The following ALDH5A1 variants were observed in gnomAD, a reference collection of about 807,000 sequenced individuals.
ALDH5A1 encodes succinate-semialdehyde dehydrogenase, mitochondrial.
A neutral mutation model predicts 54.7 loss-of-function variants in ALDH5A1; 33 were observed. That is an observed-to-expected ratio of 0.60 (90% CI 0.46 to 0.81). The LOEUF is 0.81. Among genes scored for constraint, ALDH5A1 ranks in the 30% least tolerant of loss-of-function variants. The pLI is 0.00. For synonymous variants in ALDH5A1, 294 were observed against 292.7 expected (o/e 1.00, Z -0.05); for missense variants, 657 against 711.0 (o/e 0.92, Z 0.86).
Position 24,526,941 on chromosome 6 carries a change from A to C in ALDH5A1, c.1174-1056A>C, listed in dbSNP as rs1320922243. ...TCTATATATATCTACTATATATTCT[A>C]TATATATATCTAATATATATATATG... is the stretch of plus-strand genomic sequence containing the variant. On this transcript the variant is annotated intron_variant, in intron 7 of 9. Coordinates refer to ENST00000357578, the MANE Select transcript of ALDH5A1 (RefSeq NM_001080.3). 1.9e-4 allele frequency among the ~76,000 whole-genome samples: 20 copies of C among 106,106 alleles called. 1 individual carries two copies. Among genetic ancestry groups the C allele is most frequent in the South Asian group, 5.3e-4 (2 of 3,774 alleles). The allele number at this position is 106,106 out of a possible 152,430, so 69.6% of individuals were successfully genotyped here. A position where few individuals can be genotyped will look rare whatever the true frequency, so the allele number is the denominator to read the frequency against.
Position 24,536,108 on chromosome 6 carries a change from TG to T in ALDH5A1, c.*2397del, listed in dbSNP as rs1185192235. 2.0e-5 allele frequency: 3 copies of T among 152,232 alleles called. No homozygotes were observed. The highest frequency in any genetic ancestry group is 6.5e-5 in the Admixed American group (1 of 15,290). The allele number at this position is 152,232 out of a possible 1,614,324, so 9.4% of individuals were successfully genotyped here. On this transcript the variant is annotated 3_prime_UTR_variant, in exon 10 of 10. Coordinates refer to ENST00000357578, the MANE Select transcript of ALDH5A1 (RefSeq NM_001080.3). The stretch of plus-strand genomic sequence containing the variant: ...AGAATTATTTTTAACTGAACGTTTT[TG>T]TTGTTTTTTAAATAAAGTAGCCATA...
intron 7 of ALDH5A1, among the ~76,000 whole-genome samples, chr6:24,526,664 AC>A (rs1334532303): frequency 6.6e-6 from 1 of 151,352 alleles, no homozygotes; most frequent in Non-Finnish European, 1.5e-5. Context: ...TCCTGTTAAT[AC>A]CCGTCCAGTA....
chr6:24,530,701 G>T (rs1759920838), intron 8 of ALDH5A1, among the ~76,000 whole-genome samples: 1 of 152,238 alleles, frequency 6.6e-6, no homozygotes, highest in Non-Finnish European at 1.5e-5. Flanking sequence ...ATTGGAATAG[G>T]TTGGGGAGAA....
At chr6:24,508,387 AAGAT>A (rs1211663096) in intron 4 of ALDH5A1, among the ~76,000 whole-genome samples, 1,347 of 35,922 alleles carry the variant, frequency 0.037, 101 homozygotes, top group Non-Finnish European at 0.087. Context: ...AAAAAAAAAA[AAGAT>A]TAATAGTCTC....
chr6:24,520,370 G>C, intron 5 of ALDH5A1, 31 bp from the exon 6 acceptor site: 9 of 1,613,216 alleles, frequency 5.6e-6, no homozygotes, highest in South Asian at 1.1e-5. Flanking sequence ...ATGGATTTCT[G>C]TGCTCACAGC....
At chr6:24,507,312 G>T (rs1759376603) in intron 4 of ALDH5A1, among the ~76,000 whole-genome samples, 1 of 53,642 alleles carries the variant, frequency 1.9e-5, no homozygotes. Flanking sequence ...AAAATCCTTG[G>T]CTCACATTTT....
chr6:24,511,194 A>G (rs186109919), intron 4 of ALDH5A1, among the ~76,000 whole-genome samples: 93 of 152,220 alleles, frequency 6.1e-4, no homozygotes, highest in African/African-American at 2.1e-3. Flanking sequence ...GAAATCTGCT[A>G]ATCTGATAGG....
rs534403522 is a variant in ALDH5A1, at chr6:24,508,928, T to C, written c.726+3943T>C. ...CCATTTGTATATCTTCTTTTGAGAA[T>C]TGTCTATTATGTTCTTAGCCCACTT... On this transcript the variant is annotated intron_variant, in intron 4 of 9. Transcript: ENST00000357578. Among the ~76,000 whole-genome samples, 11 of 152,322 alleles carry C rather than the reference T, an allele frequency of 7.2e-5. No individual in the cohort carries two copies. The East Asian group carries it at 2.1e-3, about 29-fold the overall frequency.
chr6:24,528,142 T>A lies in ALDH5A1; in HGVS notation c.1319T>A (p.Phe440Tyr). 1 of 1,613,900 alleles carries A rather than the reference T, an allele frequency of 6.2e-7. No individual in the cohort carries two copies. The highest frequency in any genetic ancestry group is 8.5e-7 in the Non-Finnish European group (1 of 1,179,872). Residue 440 changes from phenylalanine (F) to tyrosine (Y), a missense_variant, in exon 8 of 10, where the codon TTC (phenylalanine) becomes TAC (tyrosine). Physicochemically the swap from Phe to Tyr is conservative, Grantham distance 22. This residue lies in a region of ALDH5A1 where 425 missense variants were observed against 516.4 expected (regional missense o/e 0.82). Coordinates refer to ENST00000357578, the MANE Select transcript of ALDH5A1 (RefSeq NM_001080.3). The stretch of plus-strand genomic sequence containing the variant: ...ATGCTGTGCACTCATGAAGAGACTT[T>A]CGGGCCTCTGGCACCAGTTATCAAG... Reference protein sequence around the residue: ...QDMLCTHEETFGPLAPVIKFD... With the variant: ...QDMLCTHEETYGPLAPVIKFD...
chr6:24,511,758 T>G (rs1759466056), intron 4 of ALDH5A1: 2 of 404,224 alleles, frequency 4.9e-6, no homozygotes, highest in Non-Finnish European at 8.7e-6. Context: ...GTGACTTCCT[T>G]AAATTGGGCT....
chr6:24,507,416 G>C (rs576885099), intron 4 of ALDH5A1, among the ~76,000 whole-genome samples: 1 of 151,134 alleles, frequency 6.6e-6, no homozygotes, highest in South Asian at 2.1e-4. Context: ...TAAGTTTCTT[G>C]CCCTTATAAG....
At chr6:24,533,425 C>A in intron 9 of ALDH5A1, 82 bp from the exon 10 acceptor site, 2 of 1,459,816 alleles carry the variant, frequency 1.4e-6, no homozygotes, top group East Asian at 2.3e-5. Flanking sequence ...GACAAAAAGT[C>A]ATCAATGGTG....
chr6:24,495,469 G>A lies in ALDH5A1; in HGVS notation c.354+119G>A, dbSNP rs530149285. 48 of 993,418 alleles carry A rather than the reference G, an allele frequency of 4.8e-5. No individual in the cohort carries two copies. In the African/African-American group the frequency reaches 6.5e-4, roughly 14 times the overall value. 61.5% of individuals were successfully genotyped at this position (993,418 alleles called of 1,614,324 possible). On this transcript the variant is annotated intron_variant, in intron 1 of 9. Coordinates refer to ENST00000357578, the MANE Select transcript of ALDH5A1 (RefSeq NM_001080.3). Reference sequence around the variant, plus strand: ...CTCCCTCCTGTGCTCAGTTCCCCAGGGTATACAAAGTGGAAAGTCAGAGCA... The same window carrying A: ...CTCCCTCCTGTGCTCAGTTCCCCAGAGTATACAAAGTGGAAAGTCAGAGCA...
At chr6:24,532,872 A>G (rs1759962542) in intron 9 of ALDH5A1, among the ~76,000 whole-genome samples, 1 of 152,130 alleles carries the variant, frequency 6.6e-6, no homozygotes, top group African/African-American at 2.4e-5. Context: ...ATGTGTGCAC[A>G]AGGACGTTTA....
rs1052380519 is a variant in ALDH5A1 at position 24,535,200 on chromosome 6, G to C, written c.*1488G>C. On this transcript the variant is annotated 3_prime_UTR_variant, in exon 10 of 10. Coordinates refer to ENST00000357578, the MANE Select transcript of ALDH5A1 (RefSeq NM_001080.3). ...AGTAGTGCTGGATGCAATTACTCCT[G>C]AACCCCACCTAGGATTTAACATCCC... 1 of 152,186 alleles carries C rather than the reference G, an allele frequency of 6.6e-6. No homozygotes were observed. The highest frequency in any genetic ancestry group is 2.4e-5 in the African/African-American group (1 of 41,436). 9.4% of individuals were successfully genotyped at this position (152,186 alleles called of 1,614,324 possible).
rs1760058140 is a variant in ALDH5A1, at chr6:24,536,761, T to G, written c.*3049T>G. 6.6e-6 allele frequency: 1 copy of G among 152,454 alleles called. No individual in the cohort carries two copies. Among genetic ancestry groups the G allele is most frequent in the Non-Finnish European group, 1.5e-5 (1 of 68,042 alleles). The allele number at this position is 152,454 out of a possible 1,614,324, so 9.4% of individuals were successfully genotyped here. On this transcript the variant is annotated 3_prime_UTR_variant, in exon 10 of 10. Transcript: ENST00000357578. ...GCAGGGATTCTCATTAAAGAGCTGA[T>G]CTGCATCTGTTTATCCATTTTAGTA...
intron 4 of ALDH5A1, chr6:24,511,893 G>A (rs1759468028): frequency 1.0e-5 from 6 of 594,798 alleles, no homozygotes; most frequent in Non-Finnish European, 1.5e-5. Flanking sequence ...TTTTTGGGGG[G>A]TGTTAAAGAA....
chr6:24,525,543 A>G (rs367883568), intron 7 of ALDH5A1, among the ~76,000 whole-genome samples: 22 of 152,022 alleles, frequency 1.4e-4, no homozygotes, highest in African/African-American at 4.3e-4. Flanking sequence ...AAAAAAAAAA[A>G]AAAAGAAAAG....
chr6:24,507,527 A>T (rs550026176), intron 4 of ALDH5A1, among the ~76,000 whole-genome samples: 13 of 151,648 alleles, frequency 8.6e-5, no homozygotes, highest in African/African-American at 2.9e-4. Flanking sequence ...TGTCTTTGTG[A>T]TGATTGCTTT....
Sources: gnomAD v4.1 joint callset for allele counts (sites outside exome capture counted in the v4.1 genomes callset) on GRCh38, gnomAD v4.1.1 for gene constraint, gnomAD v4.1.1 regional missense constraint, MANE v1.5 for transcripts, NCBI Gene and HGNC (gene_info 2026-07-23, HGNC 2026-07-21) for gene names.